Variants in STAG1 observed in about 807,000 individuals in gnomAD.
STAG1 encodes the protein STAG1 cohesin complex component.
STAG1 carries 26 observed loss-of-function variants against 170.9 expected under a neutral mutation model. That is an observed-to-expected ratio of 0.15 (90% CI 0.11 to 0.21). The LOEUF (loss-of-function observed/expected upper bound fraction) is 0.21. Ranked by LOEUF, STAG1 falls within the 10% of genes least tolerant of loss-of-function variation. The probability of loss-of-function intolerance (pLI) is 1.00; values close to 1 mark genes in which losing one functional copy is unlikely to be tolerated. For synonymous variants in STAG1, 514 were observed against 497.7 expected, an observed-to-expected ratio of 1.03 and a Z score of -0.44; for missense variants, 964 against 1,509.5, an observed-to-expected ratio of 0.64 and a Z score of 5.99.
At chr3:136,751,744 G>A (rs990967318) in intron 1 of STAG1, among the ~76,000 whole-genome samples, 2 of 151,838 alleles carry the variant, frequency 1.3e-5, no homozygotes, top group African/African-American at 2.4e-5. Flanking sequence ...GGCGGCGGAA[G>A]GCATTCGCGC....
At chr3:136,617,911 A>G (rs1477493739) in intron 3 of STAG1, among the ~76,000 whole-genome samples, 5 of 152,262 alleles carry the variant, frequency 3.3e-5, no homozygotes, top group Non-Finnish European at 7.3e-5. Flanking sequence ...ATAATTTTAA[A>G]GATCCAATTT....
At chr3:136,498,403 C>A (rs1464181499) in intron 9 of STAG1, among the ~76,000 whole-genome samples, 7 of 147,780 alleles carry the variant, frequency 4.7e-5, no homozygotes, top group East Asian at 2.0e-4. Flanking sequence ...AAAAAAAAAA[C>A]CCAGATATGT....
At chr3:136,702,078 AG>A (rs1559960089) in intron 1 of STAG1, among the ~76,000 whole-genome samples, 6 of 31,070 alleles carry the variant, frequency 1.9e-4, no homozygotes, top group East Asian at 4.8e-3. Context: ...ATGCCGAAAG[AG>A]AGAGAGAGAG....
chr3:136,705,510 G>A (rs1943205533), intron 1 of STAG1, among the ~76,000 whole-genome samples: 1 of 151,838 alleles, frequency 6.6e-6, no homozygotes, highest in African/African-American at 2.4e-5. Context: ...GTATTGTATT[G>A]TAGCTCCCAT....
At chr3:136,747,816 C>T (rs1935024137) in intron 1 of STAG1, among the ~76,000 whole-genome samples, 1 of 149,702 alleles carries the variant, frequency 6.7e-6, no homozygotes, top group African/African-American at 2.5e-5. Context: ...CACTCTGTCA[C>T]CCAGGCTGGA....
In STAG1 at chr3:136,553,760, G is replaced by A. The variant is rs189633975; in HGVS notation, c.395-11565C>T. On this transcript the variant is annotated intron_variant, in intron 5 of 33. Coordinates refer to ENST00000383202, the MANE Select transcript of STAG1 (RefSeq NM_005862.3). ...CTGCGCTCCAGCCTGGCAAGAGAGC[G>A]AGACTCCATCTCAAAACAAAAAGTT... Among the ~76,000 whole-genome samples the A allele has an allele frequency of 1.8e-4, 28 of 152,328 alleles. No homozygotes were observed. The East Asian group carries it at 4.0e-3, about 22-fold the overall frequency.
intron 22 of STAG1, among the ~76,000 whole-genome samples, chr3:136,383,408 T>G (rs1394001663): frequency 6.6e-6 from 1 of 152,168 alleles, no homozygotes; most frequent in Non-Finnish European, 1.5e-5. Flanking sequence ...CTTTTTAATT[T>G]GAAAAAAGTT....
chr3:136,355,832 G>A (rs1423271048), intron 28 of STAG1, among the ~76,000 whole-genome samples: 2 of 152,060 alleles, frequency 1.3e-5, no homozygotes, highest in Non-Finnish European at 2.9e-5. Flanking sequence ...ATAACCAATA[G>A]GTTAAAGAAG....
At chr3:136,360,430 G>T (rs1213684647) in intron 26 of STAG1, among the ~76,000 whole-genome samples, 1 of 152,010 alleles carries the variant, frequency 6.6e-6, no homozygotes, top group African/African-American at 2.4e-5. Context: ...CCATTTCTCT[G>T]ATTCCCTTTA....
At chr3:136,421,638 T>G (rs185615353) in intron 19 of STAG1, among the ~76,000 whole-genome samples, 294 of 152,088 alleles carry the variant, frequency 1.9e-3, no homozygotes, top group South Asian at 7.7e-3. Flanking sequence ...TATAGATTGA[T>G]GAGAGAGAGG....
chr3:136,743,867 A>C (rs1325728662), intron 1 of STAG1, among the ~76,000 whole-genome samples: 1 of 152,244 alleles, frequency 6.6e-6, no homozygotes, highest in Non-Finnish European at 1.5e-5. Context: ...GATACATAAT[A>C]CACTGTGACC....
chr3:136,433,477 T>A, intron 16 of STAG1, 79 bp downstream of exon 16: 1 of 964,856 alleles, frequency 1.0e-6, no homozygotes, highest in East Asian at 2.5e-5. Context: ...GATACAAATA[T>A]CAGTAAAATT....
intron 6 of STAG1, among the ~76,000 whole-genome samples, chr3:136,541,423 A>G (rs1412998241): frequency 1.3e-5 from 2 of 152,074 alleles, no homozygotes; most frequent in African/African-American, 4.8e-5. Flanking sequence ...TCAAGAGAAT[A>G]TTTCTGTGAA....
chr3:136,625,792 G>A (rs921673534), intron 2 of STAG1, among the ~76,000 whole-genome samples: 1 of 152,060 alleles, frequency 6.6e-6, no homozygotes, highest in South Asian at 2.1e-4. Flanking sequence ...TCTACACACC[G>A]CTGCCAGTAA....
At chr3:136,442,007 G>A (rs1457881484) in intron 15 of STAG1, among the ~76,000 whole-genome samples, 1 of 152,168 alleles carries the variant, frequency 6.6e-6, no homozygotes. Context: ...AGACGAGCCT[G>A]GTCAACATGG....
chr3:136,697,841 A>G (rs1395796667), intron 1 of STAG1, among the ~76,000 whole-genome samples: 2 of 152,232 alleles, frequency 1.3e-5, no homozygotes, highest in Admixed American at 1.3e-4. Flanking sequence ...CAGGAAGTGT[A>G]TCTTGTGTTA....
At chr3:136,583,258 C>A (rs1386951332) in intron 4 of STAG1, among the ~76,000 whole-genome samples, 4 of 151,972 alleles carry the variant, frequency 2.6e-5, no homozygotes, top group Admixed American at 1.3e-4. Flanking sequence ...ACTCAGAATC[C>A]TTCTCATTCT....
intron 23 of STAG1, among the ~76,000 whole-genome samples, chr3:136,374,346 G>A (rs948723081): frequency 3.3e-5 from 5 of 152,072 alleles, no homozygotes; most frequent in African/African-American, 9.7e-5. Flanking sequence ...GGCCAGGCAC[G>A]GTGGCTCACA....
At chr3:136,561,113 A>T (rs965024229) in intron 5 of STAG1, among the ~76,000 whole-genome samples, 1 of 152,202 alleles carries the variant, frequency 6.6e-6, no homozygotes, top group Admixed American at 6.5e-5. Context: ...TCCTTATAAA[A>T]TGCAAATCTT....
Sources: gnomAD v4.1 joint callset for allele counts (sites outside exome capture counted in the v4.1 genomes callset) on GRCh38, gnomAD v4.1.1 for gene constraint, MANE v1.5 for transcripts, NCBI Gene and HGNC (gene_info 2026-07-23, HGNC 2026-07-21) for gene names.